Variants in ATG16L2 observed in about 807,000 individuals in gnomAD.
The protein encoded by ATG16L2 is autophagy related 16 like 2.
ATG16L2 carries 77 observed loss-of-function variants against 84.7 expected under a neutral mutation model. The observed-to-expected ratio is 0.91, with a 90% CI of 0.76 to 1.10. The LOEUF is 1.10. ATG16L2 is among the 50% of genes least tolerant of loss of function. ATG16L2 has a pLI of 0.00. For synonymous variants in ATG16L2, 361 were observed against 342.8 expected (o/e 1.05, Z -0.59); for missense variants, 782 against 817.6 (o/e 0.96, Z 0.53).
chr11:72,828,762 C>G lies in ATG16L2; in HGVS notation c.1656C>G (p.Thr552=), dbSNP rs1165531024. 6.2e-7 allele frequency: 1 copy of G among 1,614,156 alleles called. No individual in the cohort carries two copies. Among genetic ancestry groups the G allele is most frequent in the Non-Finnish European group, 8.5e-7 (1 of 1,180,028 alleles). The change falls in exon 16 of 18, where the codon ACC becomes ACG. Residue 552 remains threonine, a synonymous_variant. Coordinates refer to ENST00000321297, the MANE Select transcript of ATG16L2 (RefSeq NM_033388.2). ...GCTTCAAGTGTGGTTCTGACTGGAC[C>G]AAAGCTGTGTTCAGGTATGTCCGTG... ...ADGFKCGSDW[T]KAVFSPDRSY...
Position 72,824,049 on chromosome 11 carries a change from T to A in ATG16L2, c.825-11T>A. On this transcript the variant is annotated splice_polypyrimidine_tract_variant and intron_variant, in intron 7 of 17. Transcript: ENST00000321297. Reference sequence around the variant, plus strand: ...CAGTCCCTTAGCATATCTCTCTTGGTTTTGTCTCAGGTCTGCCTCAGCCAC... The same window carrying A: ...CAGTCCCTTAGCATATCTCTCTTGGATTTGTCTCAGGTCTGCCTCAGCCAC... 6.2e-7 allele frequency: 1 copy of A among 1,614,176 alleles called. No homozygotes were observed. Among genetic ancestry groups the A allele is most frequent in the Non-Finnish European group, 8.5e-7 (1 of 1,180,004 alleles).
rs1565272402 is a variant in ATG16L2 at position 72,828,395 on chromosome 11, C to T, written c.1509C>T (p.Gly503=). ...GCACCCAGGTCATCCCTGTGCAGGG[C>T]CGGGTCACCTCCCTGAGCCTCAGCC... is the stretch of plus-strand genomic sequence containing the variant. The part of the protein sequence containing the change: ...PHCTQVIPVQ[G]RVTSLSLSHD... Residue 503 remains glycine (G), a synonymous_variant, in exon 15 of 18, where the codon GGC becomes GGT. Transcript: ENST00000321297. 2 of 1,614,198 alleles carry T rather than the reference C, an allele frequency of 1.2e-6. No individual in the cohort carries two copies. The highest frequency in any genetic ancestry group is 2.7e-5 in the African/African-American group (2 of 75,056).
rs201269620 is a variant in ATG16L2, at chr11:72,841,455, G to A, written c.*22-1162G>A. On this transcript the variant is annotated intron_variant, in intron 5 of 5. Transcript: ENST00000534905. ...ACCCATGCCCAGGAGAACCCTTACC[G>A]TTTGCTGAAGGAGACCGGGGAAAGT... is the stretch of plus-strand genomic sequence containing the variant. The A allele has an allele frequency of 3.0e-5, 49 of 1,609,338 alleles. No homozygotes were observed. The East Asian group carries it at 3.8e-4, about 12-fold the overall frequency.
rs775449948 is a variant in ATG16L2 at position 72,816,823 on chromosome 11, C to T, written c.214C>T (p.Pro72Ser). The T allele has an allele frequency of 1.2e-6, 2 of 1,614,050 alleles. No individual in the cohort carries two copies. Among genetic ancestry groups the T allele is most frequent in the Non-Finnish European group, 1.7e-6 (2 of 1,179,898 alleles). Residue 72 changes from proline to serine, a missense_variant, in exon 2 of 18, where the codon CCC becomes TCC. Transcript: ENST00000321297. ...NSVTPTTHQG[P>S]WEESELDSDQ... ...TGTCACTCCCACCACCCACCAGGGC[C>T]CCTGGTAAGTGTATGTGGGTCCGTG...
chr11:72,843,129 A>C, exon 6 of ATG16L2: 1 of 1,612,170 alleles, frequency 6.2e-7, no homozygotes, highest in Non-Finnish European at 8.5e-7. Flanking sequence ...CCAAATAAAG[A>C]GTGCCTTGTT....
At chr11:72,835,451 A>C (rs568909857) in intron 5 of ATG16L2, among the ~76,000 whole-genome samples, 14 of 151,966 alleles carry the variant, frequency 9.2e-5, no homozygotes, top group Admixed American at 9.2e-4. Flanking sequence ...GGTGGTGGTG[A>C]GAAGAGTTCG....
chr11:72,829,069 T>TCC (rs1349817169), intron 17 of ATG16L2, 85 bp downstream of exon 17: 6 of 1,399,264 alleles, frequency 4.3e-6, no homozygotes, highest in Non-Finnish European at 6.0e-6. Flanking sequence ...GACCCTGGAG[T>TCC]CCCCAGCCCT....
intron 2 of ATG16L2, 146 bp from the exon 3 acceptor site, chr11:72,817,609 CT>C: frequency 1.3e-6 from 1 of 750,322 alleles, no homozygotes. Flanking sequence ...AGAGACTTGC[CT>C]TTTCCTTTAC....
downstream of ATG16L2, among the ~76,000 whole-genome samples, chr11:72,830,822 G>T (rs191454413): frequency 3.4e-3 from 523 of 152,112 alleles, 5 homozygotes; most frequent in Non-Finnish European, 4.0e-3. Flanking sequence ...TAGAGATGAT[G>T]TCTCACTATG....
rs939715103 is a variant in ATG16L2, at chr11:72,816,672, C to A, written c.119-56C>A. 3.5e-6 allele frequency: 5 copies of A among 1,417,472 alleles called. No individual in the cohort carries two copies. The African/African-American group carries it at 5.6e-5, about 16-fold the overall frequency. 87.8% of individuals were successfully genotyped at this position (1,417,472 alleles called of 1,614,324 possible). On this transcript the variant is annotated intron_variant, in intron 1 of 17. Coordinates refer to ENST00000321297, the MANE Select transcript of ATG16L2 (RefSeq NM_033388.2). ...TTTTAGCCGGAGATAAATTGCATGC[C>A]AGGGGGCTGCTGGGTATCTGTCTCT...
At chr11:72,832,627 G>C (rs146039885), downstream of ATG16L2, among the ~76,000 whole-genome samples, 1 of 152,228 alleles carries the variant, frequency 6.6e-6, no homozygotes, top group African/African-American at 2.4e-5. Flanking sequence ...GAACTCTGGT[G>C]CTCAGGGGCT....
chr11:72,827,968 CAAAA>C lies in ATG16L2; in HGVS notation c.1473-387_1473-384del, dbSNP rs760108741. 4.6e-4 allele frequency among the ~76,000 whole-genome samples: 70 copies of C among 152,220 alleles called. 1 individual carries two copies. The highest frequency in any genetic ancestry group is 6.8e-3 in the Middle Eastern group (2 of 294). ...AACCAAAACCAAAAACAAAACAAAA[CAAAA>C]AAACAAAGCTAGAGCCAGTGCTAGG... On this transcript the variant is annotated intron_variant, in intron 14 of 17. Coordinates refer to ENST00000321297, the MANE Select transcript of ATG16L2 (RefSeq NM_033388.2).
rs57674996 is a variant in ATG16L2 at position 72,829,587 on chromosome 11, C to CTCTA, written c.*201_*204dup. On this transcript the variant is annotated 3_prime_UTR_variant, in exon 18 of 18. Coordinates refer to ENST00000321297, the MANE Select transcript of ATG16L2 (RefSeq NM_033388.2). ...CGCTAGTTTTTCTTTGTATTTTTAT[C>CTCTA]TCTATCTCCTCACTTTTTCTCCCAA... The CTCTA allele has an allele frequency of 0.53, 720,978 of 1,361,872 alleles. 194,047 individuals are homozygous for CTCTA. Among genetic ancestry groups the CTCTA allele is most frequent in the South Asian group, 0.67 (37,588 of 55,854 alleles). 84.4% of individuals were successfully genotyped at this position (1,361,872 alleles called of 1,614,324 possible).
At chr11:72,843,543 G>A (rs373197019) in exon 6 of ATG16L2, 10 of 1,601,666 alleles carry the variant, frequency 6.2e-6, no homozygotes, top group Middle Eastern at 1.7e-4. Flanking sequence ...CTGCAGTGTA[G>A]GATGGTCATG....
chr11:72,835,441 G>A (rs557075251), intron 5 of ATG16L2, among the ~76,000 whole-genome samples: 25 of 152,114 alleles, frequency 1.6e-4, no homozygotes, highest in Middle Eastern at 3.4e-3. Context: ...GGTGAGGAGA[G>A]GTGGTGGTGA....
intron 5 of ATG16L2, chr11:72,837,325 T>C (rs1215782765): frequency 6.6e-6 from 1 of 152,604 alleles, no homozygotes. Context: ...TCTTCAGTTA[T>C]CACCTTACTT....
chr11:72,840,293 G>A lies in ATG16L2; in HGVS notation c.*22-2324G>A, dbSNP rs564670288. 3.3e-5 allele frequency among the ~76,000 whole-genome samples: 5 copies of A among 152,316 alleles called. No individual in the cohort carries two copies. The South Asian group carries it at 1.0e-3, about 32-fold the overall frequency. On this transcript the variant is annotated intron_variant, in intron 5 of 5. Transcript: ENST00000534905. ...TGCTGAATGAATGAAGCCAAAAGAA[G>A]CCAGTGGTAAAGGAATGGTATCAAA...
At chr11:72,833,913 C>G (rs1475437577), downstream of ATG16L2, among the ~76,000 whole-genome samples, 1 of 147,126 alleles carries the variant, frequency 6.8e-6, no homozygotes, top group African/African-American at 2.5e-5. Flanking sequence ...ACGAGCGAAA[C>G]TCCGTCTCAA....
At chr11:72,821,785 G>A (rs1303014853) in intron 4 of ATG16L2, 44 bp downstream of exon 4, 1 of 1,523,920 alleles carries the variant, frequency 6.6e-7, no homozygotes, top group Admixed American at 2.0e-5. Context: ...CCACCTCAGG[G>A]AGGCCCGGGG....
Sources: allele counts gnomAD v4.1 joint callset (sites outside exome capture counted in the v4.1 genomes callset), GRCh38; gene constraint gnomAD v4.1.1; transcripts MANE v1.5; gene names NCBI Gene and HGNC (gene_info 2026-07-23, HGNC 2026-07-21).